The following GRIK3 variants were observed in gnomAD, a reference collection of about 807,000 sequenced individuals.
GRIK3 encodes glutamate ionotropic receptor kainate type subunit 3.
A neutral mutation model predicts 102.5 loss-of-function variants in GRIK3; 29 were observed. The observed-to-expected ratio is 0.28, with a 90% confidence interval of 0.21 to 0.39. GRIK3 has a LOEUF of 0.39. Ranked by LOEUF, GRIK3 falls within the 10% of genes least tolerant of loss-of-function variation. The pLI, the probability that GRIK3 is intolerant of heterozygous loss-of-function variation, is 1.00. For synonymous variants in GRIK3, 511 were observed against 504.9 expected (o/e 1.01, Z -0.16); for missense variants, 908 against 1,252.4 (o/e 0.73, Z 4.15).
At chr1:37,023,426 G>A (rs777085999) in intron 1 of GRIK3, among the ~76,000 whole-genome samples, 2 of 152,154 alleles carry the variant, frequency 1.3e-5, no homozygotes, top group Non-Finnish European at 2.9e-5. Context: ...TGGGGACTTA[G>A]ATGTTCAATG....
intron 1 of GRIK3, among the ~76,000 whole-genome samples, chr1:36,900,820 G>C (rs1641225594): frequency 6.6e-6 from 1 of 151,996 alleles, no homozygotes. Context: ...GGCCAATTAA[G>C]AATAAAAAAG....
At chr1:36,856,065 G>A (rs796497727) in intron 7 of GRIK3, among the ~76,000 whole-genome samples, 4 of 152,324 alleles carry the variant, frequency 2.6e-5, no homozygotes, top group African/African-American at 9.6e-5. Flanking sequence ...GGGACCGAGG[G>A]GTCGGGAACA....
rs1642373465 is a variant in GRIK3, at chr1:36,797,112, G to A, written c.*4739C>T. 1 of 151,992 alleles carries A rather than the reference G, an allele frequency of 6.6e-6. No homozygotes were observed. The highest frequency in any genetic ancestry group is 2.1e-4 in the South Asian group (1 of 4,806). The allele number at this position is 151,992 out of a possible 1,614,324, so 9.4% of individuals were successfully genotyped here. On this transcript the variant is annotated 3_prime_UTR_variant, in exon 16 of 16. Transcript: ENST00000373091. ...GGGTCTGGAGCTCTGATGTGTGGAGGGCCTTCGCCACCCCAAGGGGCTCTC... is the reference window on the plus strand; with the variant it reads ...GGGTCTGGAGCTCTGATGTGTGGAGAGCCTTCGCCACCCCAAGGGGCTCTC...
chr1:36,874,947 C>T (rs1355098703), intron 3 of GRIK3, among the ~76,000 whole-genome samples: 1 of 152,238 alleles, frequency 6.6e-6, no homozygotes, highest in Non-Finnish European at 1.5e-5. Context: ...CTTTGTTTGC[C>T]TGAGATGAGC....
intron 1 of GRIK3, among the ~76,000 whole-genome samples, chr1:36,894,287 G>A (rs112468049): frequency 0.011 from 1,739 of 152,198 alleles, 33 homozygotes; most frequent in African/African-American, 0.04. Flanking sequence ...TTTGTATTTC[G>A]TGTGCTTTTG....
rs557151994 is a variant in GRIK3 at position 36,852,372 on chromosome 1, C to G, written c.1212+1243G>C. ...AGGGACAGAGGTCACATCCTGCAAC[C>G]AGGGCAATTGTGTGGGCAATGGCCT... On this transcript the variant is annotated intron_variant, in intron 8 of 15. Coordinates refer to ENST00000373091, the MANE Select transcript of GRIK3 (RefSeq NM_000831.4). Among the ~76,000 whole-genome samples the G allele has an allele frequency of 2.0e-5, 3 of 152,292 alleles. No homozygotes were observed. In the East Asian group the frequency reaches 5.8e-4, roughly 29 times the overall value.
intron 1 of GRIK3, among the ~76,000 whole-genome samples, chr1:36,996,277 A>G (rs1642418946): frequency 6.6e-6 from 1 of 152,254 alleles, no homozygotes; most frequent in South Asian, 2.1e-4. Flanking sequence ...CACCTAGCTA[A>G]TCACGCCTAA....
chr1:36,877,014 T>C (rs528253230), intron 3 of GRIK3, among the ~76,000 whole-genome samples: 1 of 152,344 alleles, frequency 6.6e-6, no homozygotes, highest in East Asian at 1.9e-4. Context: ...AGAAGTTAAT[T>C]GTATTCCAGA....
At chr1:36,829,375 A>T (rs771779256) in intron 10 of GRIK3, among the ~76,000 whole-genome samples, 1 of 151,746 alleles carries the variant, frequency 6.6e-6, no homozygotes, top group Non-Finnish European at 1.5e-5. Context: ...CGAGGAATAC[A>T]TCTATTCCAA....
chr1:36,995,893 C>T (rs900308471), intron 1 of GRIK3, among the ~76,000 whole-genome samples: 4 of 152,220 alleles, frequency 2.6e-5, no homozygotes, highest in Admixed American at 6.5e-5. Context: ...CTTCACCAGC[C>T]GCCTTCTTGG....
chr1:36,885,389 G>A (rs568901154), intron 2 of GRIK3, among the ~76,000 whole-genome samples: 1 of 152,296 alleles, frequency 6.6e-6, no homozygotes, highest in South Asian at 2.1e-4. Flanking sequence ...GGTGATGACA[G>A]TGGGGGTAGT....
At position 36,806,976 on chromosome 1, in the gene GRIK3, A is replaced by G. The variant is rs1642508592; in HGVS notation, c.2092-650T>C. Among the ~76,000 whole-genome samples, 1 of 152,048 alleles carries G rather than the reference A, an allele frequency of 6.6e-6. No homozygotes were observed. Among genetic ancestry groups the G allele is most frequent in the African/African-American group, 2.4e-5 (1 of 41,374 alleles). On this transcript the variant is annotated intron_variant, in intron 13 of 15. Coordinates refer to ENST00000373091, the MANE Select transcript of GRIK3 (RefSeq NM_000831.4). This position sits in a 1 kb window ranked among gnomAD's most constrained non-coding sequence, Gnocchi z 4.0. ...ACTTCAACCAATGGAGGCCTCTTTTATGTCCTGTTTCAGGGGAAGATTTTG... is the reference window on the plus strand; with the variant it reads ...ACTTCAACCAATGGAGGCCTCTTTTGTGTCCTGTTTCAGGGGAAGATTTTG...
chr1:36,906,461 C>T (rs933024997), intron 1 of GRIK3, among the ~76,000 whole-genome samples: 1 of 152,116 alleles, frequency 6.6e-6, no homozygotes, highest in South Asian at 2.1e-4. Context: ...CAGTAGCTAT[C>T]AAAGAAAGAG....
Position 36,804,656 on chromosome 1 carries a change from T to C in GRIK3, c.2565+331A>G, listed in dbSNP as rs1570733633. 8.3e-5 allele frequency: 38 copies of C among 457,562 alleles called. No individual in the cohort carries two copies. The East Asian group carries it at 1.3e-3, about 15-fold the overall frequency. 28.3% of individuals were successfully genotyped at this position (457,562 alleles called of 1,614,324 possible). A position where few individuals can be genotyped will look rare whatever the true frequency, so the allele number is the denominator to read the frequency against. ...GAGGGTTTTATGCAGGAAAATGATA[T>C]GGTTTGAATTAAGTTTTAAACAAGG... On this transcript the variant is annotated intron_variant, in intron 15 of 15. Transcript: ENST00000373091.
chr1:37,021,668 C>T (rs553643), intron 1 of GRIK3, among the ~76,000 whole-genome samples: 26,430 of 152,150 alleles, frequency 0.17, 3,266 homozygotes, highest in African/African-American at 0.34. Context: ...AGGCAACAGG[C>T]TCTTTCTGCT....
At chr1:36,963,339 G>A (rs1466388714) in intron 1 of GRIK3, among the ~76,000 whole-genome samples, 1 of 152,106 alleles carries the variant, frequency 6.6e-6, no homozygotes, top group Non-Finnish European at 1.5e-5. Context: ...AGCCTCCTGA[G>A]ACCAGGACAC....
At chr1:36,830,628 G>T (rs937124413) in intron 10 of GRIK3, among the ~76,000 whole-genome samples, 1 of 151,856 alleles carries the variant, frequency 6.6e-6, no homozygotes, top group Non-Finnish European at 1.5e-5. Context: ...TGGCCAACAT[G>T]GTGAAACCCC....
intron 1 of GRIK3, among the ~76,000 whole-genome samples, chr1:36,969,998 G>A (rs986950974): frequency 3.9e-5 from 6 of 152,244 alleles, no homozygotes; most frequent in African/African-American, 1.4e-4. Context: ...TCCAATGGCA[G>A]TGTGAAGGGC....
At chr1:36,973,718 C>T (rs748461840) in intron 1 of GRIK3, among the ~76,000 whole-genome samples, 4 of 152,074 alleles carry the variant, frequency 2.6e-5, no homozygotes, top group African/African-American at 9.7e-5. Context: ...CATGAGCCAC[C>T]GCGCTGGGCC....
Sources: gnomAD v4.1 joint callset for allele counts (sites outside exome capture counted in the v4.1 genomes callset) on GRCh38, gnomAD v4.1.1 for gene constraint, Gnocchi (gnomAD v3.1) non-coding constraint, MANE v1.5 for transcripts, NCBI Gene and HGNC (gene_info 2026-07-23, HGNC 2026-07-21) for gene names.